Variants in CHRNA1 observed in about 807,000 individuals in gnomAD.
CHRNA1 encodes acetylcholine receptor subunit alpha.
In CHRNA1, 35 loss-of-function variants were observed where a neutral mutation model predicts 47.1. The ratio of observed to expected loss-of-function variants is 0.74; its 90% CI spans 0.57 to 0.99. CHRNA1 has a LOEUF of 0.99. CHRNA1 is among the 50% of genes least tolerant of loss of function. The pLI, the probability that CHRNA1 is intolerant of heterozygous loss-of-function variation, is 0.00. For missense variants in CHRNA1, 506 were observed against 591.1 expected, an observed-to-expected ratio of 0.86 and a Z score of 1.49; for synonymous variants, 229 against 223.6, an observed-to-expected ratio of 1.02 and a Z score of -0.22.
Position 174,757,684 on chromosome 2 carries a change from A to G in CHRNA1, c.235-9T>C. The G allele has an allele frequency of 6.2e-7, 1 of 1,608,532 alleles. No homozygotes were observed. Among genetic ancestry groups the G allele is most frequent in the African/African-American group, 1.3e-5 (1 of 74,948 alleles). On this transcript the variant is annotated splice_polypyrimidine_tract_variant and intron_variant, in intron 3 of 8. Transcript: ENST00000348749. ...TTGTAATCCACCCATTGCTAGAAACAAAGACATACAGCTAATTAAAAAGCC... is the reference window on the plus strand; with the variant it reads ...TTGTAATCCACCCATTGCTAGAAACGAAGACATACAGCTAATTAAAAAGCC...
chr2:174,759,358 G>GTT lies in CHRNA1; in HGVS notation c.206_207insAA (p.Val70ThrfsTer2). 1 of 1,612,910 alleles carries GTT rather than the reference G, an allele frequency of 6.2e-7. No individual in the cohort carries two copies. The highest frequency in any genetic ancestry group is 8.5e-7 in the Non-Finnish European group (1 of 1,179,596). ...GTTTCAGACGCACATTGGTTGTCAC[G>GTT]ATCTGATTTACTTCATCCTGGAAAA... is the stretch of plus-strand genomic sequence containing the variant. On this transcript the variant is annotated frameshift_variant, in exon 3 of 9. Transcript: ENST00000348749. LOFTEE classifies it high-confidence loss of function.
intron 1 of CHRNA1, 103 bp downstream of exon 1, chr2:174,764,249 C>A (rs978040410): frequency 1.5e-5 from 18 of 1,219,296 alleles, no homozygotes; most frequent in Non-Finnish European, 1.9e-5. Context: ...GGAGGCTCTG[C>A]CATTCTGTGG....
chr2:174,748,387 G>C, intron 8 of CHRNA1, 132 bp from the exon 9 acceptor site: 1 of 1,416,916 alleles, frequency 7.1e-7, no homozygotes, highest in South Asian at 1.3e-5. Flanking sequence ...GGCTGGCATC[G>C]TCTTTATTTT....
chr2:174,751,205 C>A (rs1357911036), intron 6 of CHRNA1, among the ~76,000 whole-genome samples: 1 of 152,152 alleles, frequency 6.6e-6, no homozygotes, highest in Non-Finnish European at 1.5e-5. Context: ...TTTCTGCAGG[C>A]CCTTTGATCT....
chr2:174,747,651 T>C lies in CHRNA1; in HGVS notation c.*473A>G, dbSNP rs1379640081. 1 of 171,350 alleles carries C rather than the reference T, an allele frequency of 5.8e-6. No individual in the cohort carries two copies. The highest frequency in any genetic ancestry group is 1.3e-5 in the Non-Finnish European group (1 of 78,716). The allele number at this position is 171,350 out of a possible 1,614,324, so 10.6% of individuals were successfully genotyped here. A position where few individuals can be genotyped will look rare whatever the true frequency, so the allele number is the denominator to read the frequency against. On this transcript the variant is annotated 3_prime_UTR_variant, in exon 9 of 9. Transcript: ENST00000348749. ...TTCTACTGCTTCCTCTCTCTCCAAA[T>C]CAAATGCCTTATCTCTTTAGGACTG...
At chr2:174,755,693 C>T (rs1471182045) in intron 4 of CHRNA1, among the ~76,000 whole-genome samples, 1 of 152,184 alleles carries the variant, frequency 6.6e-6, no homozygotes, top group Non-Finnish European at 1.5e-5. Flanking sequence ...GCTGGGATTA[C>T]AGGCGTGAGC....
At chr2:174,761,449 A>G (rs1035315388) in intron 1 of CHRNA1, among the ~76,000 whole-genome samples, 4 of 151,792 alleles carry the variant, frequency 2.6e-5, no homozygotes, top group Non-Finnish European at 1.5e-5. Flanking sequence ...AAATACAAAA[A>G]TTACCTGGGT....
chr2:174,758,819 A>G (rs1684034741), intron 3 of CHRNA1, among the ~76,000 whole-genome samples: 1 of 152,214 alleles, frequency 6.6e-6, no homozygotes, highest in African/African-American at 2.4e-5. Context: ...TGAAGTCATT[A>G]AAATAGACTG....
In CHRNA1 at chr2:174,748,179, A is replaced by G. The variant is rs1683771023; in HGVS notation, c.1319T>C (p.Ile440Thr). Reference sequence around the variant, plus strand: ...ACCTGCAAACACGGCTAGGGTTCCGATGATGCAAACAAGCATGAAGACTCC... The same window carrying G: ...ACCTGCAAACACGGCTAGGGTTCCGGTGATGCAAACAAGCATGAAGACTCC... ...LLGVFMLVCI[I>T]GTLAVFAGRL... is the part of the protein sequence containing the mutation. The change falls in exon 9 of 9, where the codon ATC (isoleucine) becomes ACC (threonine). Residue 440 changes from isoleucine to threonine, a missense_variant. Transcript: ENST00000348749. The G allele has an allele frequency of 6.2e-7, 1 of 1,613,978 alleles. No homozygotes were observed. Among genetic ancestry groups the G allele is most frequent in the South Asian group, 1.1e-5 (1 of 91,084 alleles).
chr2:174,747,939 G>A lies in CHRNA1; in HGVS notation c.*185C>T. The A allele has an allele frequency of 2.8e-6, 2 of 704,270 alleles. No individual in the cohort carries two copies. The highest frequency in any genetic ancestry group is 2.4e-6 in the Non-Finnish European group (1 of 415,592). The allele number at this position is 704,270 out of a possible 1,614,324, so 43.6% of individuals were successfully genotyped here. A position where few individuals can be genotyped will look rare whatever the true frequency, so the allele number is the denominator to read the frequency against. ...TTCAGGGAGACAGCAGAACTAAAGG[G>A]AGAAGCAATATGAAAACACTTCAAG... On this transcript the variant is annotated 3_prime_UTR_variant, in exon 9 of 9. Transcript: ENST00000348749.
rs376259533 is a variant in CHRNA1, at chr2:174,750,739, C to A, written c.779-570G>T. ...TTTTCTGACAGCAGCCAGTGGCAAG[C>A]ATTTCCATTAGAGGCTGCCAAGCAG... is the stretch of plus-strand genomic sequence containing the variant. On this transcript the variant is annotated intron_variant, in intron 6 of 8. Transcript: ENST00000348749. Among the ~76,000 whole-genome samples, 22 of 152,244 alleles carry A rather than the reference C, an allele frequency of 1.4e-4. No homozygotes were observed. The South Asian group carries it at 4.3e-3, about 30-fold the overall frequency.
chr2:174,751,550 A>G (rs996028910), intron 6 of CHRNA1, among the ~76,000 whole-genome samples: 2 of 152,248 alleles, frequency 1.3e-5, no homozygotes, highest in African/African-American at 2.4e-5. Flanking sequence ...AATTACAAAT[A>G]CAAAATATTT....
intron 4 of CHRNA1, among the ~76,000 whole-genome samples, chr2:174,756,036 CA>C (rs11357910): frequency 0.18 from 25,821 of 140,630 alleles, 4,549 homozygotes; most frequent in African/African-American, 0.48. Context: ...GACCTTGTCT[CA>C]AAAAAAAAAA....
intron 1 of CHRNA1, 69 bp downstream of exon 1, chr2:174,764,283 G>A: frequency 6.6e-7 from 1 of 1,525,618 alleles, no homozygotes; most frequent in Non-Finnish European, 9.0e-7. Context: ...GCAAGACTTT[G>A]ATTTGGGGGC....
chr2:174,762,517 G>A (rs1308831273), intron 1 of CHRNA1, among the ~76,000 whole-genome samples: 1 of 152,078 alleles, frequency 6.6e-6, no homozygotes, highest in Non-Finnish European at 1.5e-5. Flanking sequence ...CATTGTTTTG[G>A]GAGCTTCGAG....
chr2:174,748,307 T>A lies in CHRNA1; in HGVS notation c.1243-52A>T, dbSNP rs554434313. ...AGTCTCCCTAAGGTGGTTTCTGGACTCACAACGTTTGTGCTTTGCATCAAC... is the reference window on the plus strand; with the variant it reads ...AGTCTCCCTAAGGTGGTTTCTGGACACACAACGTTTGTGCTTTGCATCAAC... On this transcript the variant is annotated intron_variant, in intron 8 of 8. Transcript: ENST00000348749. The A allele has an allele frequency of 1.9e-6, 3 of 1,611,750 alleles. No homozygotes were observed. In the Admixed American group the frequency reaches 5.0e-5, roughly 27 times the overall value.
chr2:174,758,007 T>C, intron 3 of CHRNA1: 1 of 1,614,002 alleles, frequency 6.2e-7, no homozygotes. Context: ...GCGTGGCAGA[T>C]CTACCATGTC....
intron 6 of CHRNA1, chr2:174,752,605 A>G (rs1683878397): frequency 6.6e-6 from 1 of 152,254 alleles, no homozygotes; most frequent in African/African-American, 2.4e-5. Flanking sequence ...AAATGCAGTC[A>G]CTGGAACATG....
Position 174,757,631 on chromosome 2 carries a change from G to A in CHRNA1, c.279C>T (p.Gly93=), listed in dbSNP as rs771749641. ...YNLKWNPDDY[G]GVKKIHIPSE... ...AAGGAATGTGAATTTTTTTCACACC[G>A]CCATAGTCATCTGGATTCCATTTTA... is the stretch of plus-strand genomic sequence containing the variant. Residue 93 remains glycine, a synonymous_variant, in exon 4 of 9, where the codon GGC becomes GGT. Transcript: ENST00000348749. The A allele has an allele frequency of 3.1e-6, 5 of 1,614,084 alleles. No homozygotes were observed. The highest frequency in any genetic ancestry group is 3.3e-5 in the Admixed American group (2 of 60,020).
Sources: allele counts gnomAD v4.1 joint callset (sites outside exome capture counted in the v4.1 genomes callset), GRCh38; gene constraint gnomAD v4.1.1; transcripts MANE v1.5; gene names NCBI Gene and HGNC (gene_info 2026-07-23, HGNC 2026-07-21).